The following DCC variants were observed in gnomAD, a reference collection of about 807,000 sequenced individuals.
DCC encodes the protein DCC netrin 1 receptor.
DCC carries 58 observed loss-of-function variants against 172.5 expected under a neutral mutation model. That is an observed-to-expected ratio of 0.34 (90% confidence interval 0.27 to 0.42). DCC has a LOEUF of 0.42. Ranked by LOEUF, DCC falls within the 10% of genes least tolerant of loss-of-function variation. DCC has a pLI of 1.00. For missense variants in DCC, 1,740 were observed against 1,791.0 expected (o/e 0.97, Z 0.51); for synonymous variants, 709 against 644.5 (o/e 1.10, Z -1.52).
intron 13 of DCC, among the ~76,000 whole-genome samples, chr18:53,306,547 A>G (rs1021512975): frequency 3.9e-5 from 6 of 152,188 alleles, no homozygotes; most frequent in African/African-American, 1.4e-4. Context: ...AGCCACATGA[A>G]CTATCTCACA....
In DCC at chr18:53,386,075, G is replaced by T; in HGVS notation, c.2392G>T (p.Ala798Ser). 1 of 1,613,286 alleles carries T rather than the reference G, an allele frequency of 6.2e-7. No homozygotes were observed. The highest frequency in any genetic ancestry group is 8.5e-7 in the Non-Finnish European group (1 of 1,179,350). Residue 798 changes from alanine to serine, a missense_variant, in exon 16 of 29, where the codon GCT becomes TCT. Transcript: ENST00000442544. ...SSSHYVISLK[A>S]FNNAGEGVPL... ...TTCCCATTATGTAATCTCCCTAAAA[G>T]CTTTTAACAATGCCGGAGAAGGAGT...
intron 12 of DCC, among the ~76,000 whole-genome samples, chr18:53,294,031 A>G (rs1410531181): frequency 2.0e-5 from 3 of 152,110 alleles, no homozygotes; most frequent in Non-Finnish European, 2.9e-5. Context: ...GGGTTGGGTA[A>G]GTTATTAGTT....
At chr18:52,728,442 G>T (rs953612020) in intron 1 of DCC, among the ~76,000 whole-genome samples, 2 of 152,208 alleles carry the variant, frequency 1.3e-5, no homozygotes, top group East Asian at 1.9e-4. Context: ...AAAGTAGTTT[G>T]CCTTTCTTCT....
chr18:52,694,592 C>T (rs915360600), intron 1 of DCC, among the ~76,000 whole-genome samples: 4 of 136,042 alleles, frequency 2.9e-5, no homozygotes, highest in Admixed American at 7.0e-5. Context: ...TTTACATATA[C>T]TTCTTTTTAC....
At chr18:53,362,116 T>C (rs1362252849) in intron 15 of DCC, among the ~76,000 whole-genome samples, 3 of 152,182 alleles carry the variant, frequency 2.0e-5, no homozygotes, top group Non-Finnish European at 4.4e-5. Flanking sequence ...CAACTGTTAC[T>C]TTCTATTTTC....
chr18:52,349,940 C>T (rs1369159354), intron 1 of DCC, among the ~76,000 whole-genome samples: 1 of 152,086 alleles, frequency 6.6e-6, no homozygotes, highest in African/African-American at 2.4e-5. Flanking sequence ...GTAAGCTCTC[C>T]AGAGTCATAT....
intron 1 of DCC, among the ~76,000 whole-genome samples, chr18:52,735,258 C>A (rs1449294079): frequency 6.6e-6 from 1 of 152,110 alleles, no homozygotes; most frequent in African/African-American, 2.4e-5. Flanking sequence ...TAACCCTAGG[C>A]TCATCCCTCC....
chr18:52,773,142 C>T lies in DCC; in HGVS notation c.412+20768C>T, dbSNP rs550406020. On this transcript the variant is annotated intron_variant, in intron 2 of 28. Coordinates refer to ENST00000442544, the MANE Select transcript of DCC (RefSeq NM_005215.4). ...AATAACTTTGCAAAAGGAAATTATACTTTGAGTGGAAGAGCCTAGATTTAA... is the reference window on the plus strand; with the variant it reads ...AATAACTTTGCAAAAGGAAATTATATTTTGAGTGGAAGAGCCTAGATTTAA... Among the ~76,000 whole-genome samples, 5 of 152,238 alleles carry T rather than the reference C, an allele frequency of 3.3e-5. No homozygotes were observed. In the East Asian group the frequency reaches 9.7e-4, roughly 29 times the overall value.
chr18:52,363,223 A>G (rs1984699856), intron 1 of DCC, among the ~76,000 whole-genome samples: 1 of 152,216 alleles, frequency 6.6e-6, no homozygotes. Flanking sequence ...ACCATCACAT[A>G]GGAGACTCAG....
At chr18:52,452,678 GA>G (rs1988342801) in intron 1 of DCC, among the ~76,000 whole-genome samples, 1 of 152,172 alleles carries the variant, frequency 6.6e-6, no homozygotes, top group African/African-American at 2.4e-5. Context: ...GTACATGCAG[GA>G]AATTATACTA....
intron 11 of DCC, among the ~76,000 whole-genome samples, chr18:53,210,514 C>G (rs1391057046): frequency 1.3e-5 from 2 of 152,162 alleles, no homozygotes; most frequent in East Asian, 1.9e-4. Context: ...ATATTCACCT[C>G]TGTTTTCTTC....
chr18:53,097,263 T>A (rs2043101124), intron 7 of DCC, among the ~76,000 whole-genome samples: 1 of 150,490 alleles, frequency 6.6e-6, no homozygotes, highest in Non-Finnish European at 1.5e-5. Context: ...TTGAGTCAGT[T>A]GTTGTTGATT....
intron 2 of DCC, among the ~76,000 whole-genome samples, chr18:52,835,766 A>G (rs899020405): frequency 4.6e-5 from 7 of 152,234 alleles, no homozygotes; most frequent in Non-Finnish European, 1.5e-5. Flanking sequence ...AAATGATTCA[A>G]AAGTAACATT....
At chr18:52,465,057 C>T (rs765910208) in intron 1 of DCC, among the ~76,000 whole-genome samples, 38 of 152,042 alleles carry the variant, frequency 2.5e-4, no homozygotes, top group Non-Finnish European at 4.1e-4. Context: ...TCCCAGTTTT[C>T]CTAGGACATA....
At chr18:52,435,008 G>A (rs1366747904) in intron 1 of DCC, among the ~76,000 whole-genome samples, 1 of 152,094 alleles carries the variant, frequency 6.6e-6, no homozygotes, top group Non-Finnish European at 1.5e-5. Flanking sequence ...TAGGTGATTC[G>A]GTTATCTCAT....
intron 19 of DCC, 78 bp downstream of exon 19, chr18:53,402,971 G>A (rs1390276287): frequency 2.0e-6 from 2 of 1,005,198 alleles, no homozygotes; most frequent in Middle Eastern, 2.1e-4. Context: ...AGCTGCTCCT[G>A]CCTTTCGTGT....
intron 27 of DCC, among the ~76,000 whole-genome samples, chr18:53,510,317 T>C (rs1437974129): frequency 6.6e-6 from 1 of 152,184 alleles, no homozygotes; most frequent in Non-Finnish European, 1.5e-5. Flanking sequence ...AAAATAAATT[T>C]TAATATTTTT....
chr18:52,484,085 C>T (rs1421049611), intron 1 of DCC, among the ~76,000 whole-genome samples: 2 of 152,180 alleles, frequency 1.3e-5, no homozygotes, highest in Admixed American at 6.5e-5. Flanking sequence ...TTCTTCCCCA[C>T]CTTAAACTTA....
intron 1 of DCC, among the ~76,000 whole-genome samples, chr18:52,712,584 A>G (rs2054289): frequency 0.69 from 104,873 of 152,064 alleles, 38,383 homozygotes; most frequent in Non-Finnish European, 0.82. Context: ...ATCTTGAAAT[A>G]CTAAGTATCC....
Sources: gnomAD v4.1 joint callset for allele counts (sites outside exome capture counted in the v4.1 genomes callset) on GRCh38, gnomAD v4.1.1 for gene constraint, MANE v1.5 for transcripts, NCBI Gene and HGNC (gene_info 2026-07-23, HGNC 2026-07-21) for gene names.